HS3ST5: variants seen among roughly 807,000 people sequenced by gnomAD.
HS3ST5 encodes the protein heparan sulfate-glucosamine 3-sulfotransferase 5.
Under a neutral mutation model 25.4 loss-of-function variants are expected in HS3ST5, and 10 were observed. The ratio of observed to expected loss-of-function variants is 0.39; its 90% CI spans 0.24 to 0.67. The LOEUF is 0.67. HS3ST5 is among the 30% of genes least tolerant of loss of function. The probability of loss-of-function intolerance (pLI) is 0.44; values close to 1 mark genes in which losing one functional copy is unlikely to be tolerated. For synonymous variants in HS3ST5, 170 were observed against 162.4 expected, an observed-to-expected ratio of 1.05 and a Z score of -0.36; for missense variants, 324 against 420.7, an observed-to-expected ratio of 0.77 and a Z score of 2.01.
chr6:114,062,451 G>A (rs1007806684), intron 4 of HS3ST5, among the ~76,000 whole-genome samples: 5 of 152,106 alleles, frequency 3.3e-5, no homozygotes, highest in African/African-American at 1.2e-4. Context: ...CGGACCAACT[G>A]AGCTCTATTA....
chr6:114,073,856 T>C (rs1413948420), intron 3 of HS3ST5, among the ~76,000 whole-genome samples: 1 of 152,218 alleles, frequency 6.6e-6, no homozygotes, highest in African/African-American at 2.4e-5. Context: ...CATATGTTTA[T>C]TGTGGCACTA....
intron 2 of HS3ST5, among the ~76,000 whole-genome samples, chr6:114,190,443 TC>T (rs1334868867): frequency 6.6e-6 from 1 of 152,208 alleles, no homozygotes; most frequent in African/African-American, 2.4e-5. Context: ...TGTTATTGTC[TC>T]CTAGTGCATG....
chr6:114,339,038 A>C (rs1232745174), intron 1 of HS3ST5, among the ~76,000 whole-genome samples: 2 of 152,246 alleles, frequency 1.3e-5, no homozygotes, highest in South Asian at 4.1e-4. Context: ...CCTGTACTTA[A>C]AATAAACTAT....
intron 2 of HS3ST5, among the ~76,000 whole-genome samples, chr6:114,222,596 T>C (rs1037139400): frequency 2.0e-5 from 3 of 151,834 alleles, no homozygotes; most frequent in African/African-American, 7.2e-5. Context: ...GTCATTAAAT[T>C]TGGCTATGTT....
rs186313861 is a variant in HS3ST5 at position 114,306,019 on chromosome 6, C to A, written c.-339+36176G>T. ...CATAAACACTTAAGTTCAGAAAGTC[C>A]AAAGTCGCATTCCTGTACAATTACC... On this transcript the variant is annotated intron_variant, in intron 1 of 4. Transcript: ENST00000312719. Among the ~76,000 whole-genome samples the A allele has an allele frequency of 5.3e-5, 8 of 152,082 alleles. No individual in the cohort carries two copies. In the East Asian group the frequency reaches 1.4e-3, roughly 26 times the overall value.
intron 2 of HS3ST5, among the ~76,000 whole-genome samples, chr6:114,187,397 C>T (rs1780276791): frequency 6.6e-6 from 1 of 152,142 alleles, no homozygotes; most frequent in Admixed American, 6.5e-5. Context: ...TTCCAACCCT[C>T]ATGGATGACT....
chr6:114,241,069 T>A (rs1772094394), intron 1 of HS3ST5, among the ~76,000 whole-genome samples: 1 of 151,102 alleles, frequency 6.6e-6, no homozygotes, highest in Admixed American at 6.6e-5. Context: ...AGGTGATTCA[T>A]ACCTTTTAAA....
intron 1 of HS3ST5, among the ~76,000 whole-genome samples, chr6:114,326,022 CCTTATTTAAAT>C (rs2114897980): frequency 6.6e-6 from 1 of 151,502 alleles, no homozygotes; most frequent in African/African-American, 2.4e-5. Context: ...AGGAACTACC[CCTTATTTAAAT>C]TGCAATGCAA....
At chr6:114,073,169 A>T (rs1773924361) in intron 3 of HS3ST5, among the ~76,000 whole-genome samples, 2 of 152,182 alleles carry the variant, frequency 1.3e-5, no homozygotes, top group Admixed American at 1.3e-4. Flanking sequence ...TTATTGTAAG[A>T]CCTAAAACCA....
At chr6:114,249,729 C>T (rs1772557648) in intron 1 of HS3ST5, among the ~76,000 whole-genome samples, 1 of 152,160 alleles carries the variant, frequency 6.6e-6, no homozygotes, top group South Asian at 2.1e-4. Context: ...TCAAGAGTTC[C>T]CATGATAACC....
chr6:114,062,002 A>G (rs564422655), intron 4 of HS3ST5, among the ~76,000 whole-genome samples: 34 of 152,276 alleles, frequency 2.2e-4, no homozygotes, highest in African/African-American at 8.2e-4. Flanking sequence ...TCAGAAATTA[A>G]CTTCTCTGTC....
intron 3 of HS3ST5, among the ~76,000 whole-genome samples, chr6:114,135,464 G>A (rs766435685): frequency 2.8e-4 from 43 of 152,156 alleles, no homozygotes; most frequent in Non-Finnish European, 3.5e-4. Flanking sequence ...ACAGCAGGGA[G>A]CTGTTGATGA....
At chr6:114,110,707 A>C (rs1776226017) in intron 3 of HS3ST5, among the ~76,000 whole-genome samples, 1 of 152,222 alleles carries the variant, frequency 6.6e-6, no homozygotes, top group African/African-American at 2.4e-5. Flanking sequence ...ATAAGAGAGT[A>C]AATGAAGGGC....
intron 1 of HS3ST5, among the ~76,000 whole-genome samples, chr6:114,332,230 G>A (rs1178981318): frequency 6.6e-6 from 1 of 152,116 alleles, no homozygotes. Flanking sequence ...ATAGGTAGTA[G>A]GGGGTTAGGG....
At chr6:114,099,141 T>C (rs1051668718) in intron 3 of HS3ST5, among the ~76,000 whole-genome samples, 6 of 152,184 alleles carry the variant, frequency 3.9e-5, no homozygotes, top group Non-Finnish European at 7.3e-5. Context: ...TCTTCCATGC[T>C]GCAGAAAATA....
intron 2 of HS3ST5, among the ~76,000 whole-genome samples, chr6:114,177,675 C>T (rs1180010238): frequency 2.0e-5 from 3 of 152,166 alleles, no homozygotes. Flanking sequence ...TAACAAAAGA[C>T]TTAGTCCTGT....
chr6:114,164,313 G>A (rs752162757), intron 3 of HS3ST5, among the ~76,000 whole-genome samples: 26 of 152,112 alleles, frequency 1.7e-4, no homozygotes, highest in Non-Finnish European at 3.7e-4. Flanking sequence ...ATTTGTTGCT[G>A]TGTGACTGTG....
At chr6:114,112,587 C>G (rs1161989973) in intron 3 of HS3ST5, 1 of 152,222 alleles carries the variant, frequency 6.6e-6, no homozygotes. Flanking sequence ...TCTACTTACT[C>G]TCTGCCAGCA....
chr6:114,066,088 T>C (rs1773432616), intron 3 of HS3ST5, among the ~76,000 whole-genome samples: 1 of 152,220 alleles, frequency 6.6e-6, no homozygotes, highest in Admixed American at 6.5e-5. Context: ...AAAACCACAG[T>C]TAGACATTTC....
Sources: allele counts gnomAD v4.1 joint callset (sites outside exome capture counted in the v4.1 genomes callset), GRCh38; gene constraint gnomAD v4.1.1; transcripts MANE v1.5; gene names NCBI Gene and HGNC (gene_info 2026-07-23, HGNC 2026-07-21).